TSEN2: variants seen among roughly 807,000 people sequenced by gnomAD.
TSEN2 encodes tRNA-splicing endonuclease subunit Sen2.
In TSEN2, 54 loss-of-function variants were observed where a neutral mutation model predicts 59.2. The ratio of observed to expected loss-of-function variants is 0.91; its 90% confidence interval spans 0.73 to 1.14. TSEN2 has a LOEUF of 1.14. Ranked by LOEUF, TSEN2 falls within the 50% of genes most tolerant of loss-of-function variation. The pLI is 0.00. For missense variants in TSEN2, 636 were observed against 576.2 expected (o/e 1.10, Z -1.06); for synonymous variants, 195 against 198.2 (o/e 0.98, Z 0.14).
downstream of TSEN2, among the ~76,000 whole-genome samples, chr3:12,537,105 A>G (rs927185303): frequency 1.3e-5 from 2 of 151,952 alleles, no homozygotes; most frequent in Non-Finnish European, 2.9e-5. Flanking sequence ...CACCCCCTAA[A>G]ATAAGAAATG....
intron 1 of TSEN2, among the ~76,000 whole-genome samples, chr3:12,487,018 G>A (rs1212609629): frequency 6.6e-6 from 1 of 152,132 alleles, no homozygotes; most frequent in Non-Finnish European, 1.5e-5. Context: ...ATTTTTCCAT[G>A]AACATATGTT....
Position 12,533,643 on chromosome 3 carries a change from G to C in TSEN2, c.*922G>C, listed in dbSNP as rs1167080735. The C allele has an allele frequency of 8.9e-6, 1 of 112,450 alleles. No homozygotes were observed. Among genetic ancestry groups the C allele is most frequent in the Non-Finnish European group, 1.6e-5 (1 of 60,704 alleles). 7.0% of individuals were successfully genotyped at this position (112,450 alleles called of 1,614,324 possible). On this transcript the variant is annotated 3_prime_UTR_variant, in exon 12 of 12. Coordinates refer to ENST00000284995, the MANE Select transcript of TSEN2 (RefSeq NM_025265.4). ...CCACTGCAATCCAGCCTGAGCAATA[G>C]AGCAAGGTCCTGTCTCAAAAAAAAA...
chr3:12,496,691 T>C, intron 4 of TSEN2, 137 bp downstream of exon 4: 1 of 841,554 alleles, frequency 1.2e-6, no homozygotes, highest in Non-Finnish European at 2.0e-6. Context: ...TCCTTGAAAA[T>C]TATGTTGGAA....
intron 2 of TSEN2, 39 bp from the exon 3 acceptor site, chr3:12,492,097 C>A: frequency 6.4e-7 from 1 of 1,566,692 alleles, no homozygotes. Context: ...AAACTGGTAA[C>A]TAAGCATGAA....
In TSEN2 at chr3:12,506,821, G is replaced by A. The variant is rs1315191785; in HGVS notation, c.909+1590G>A. 6.1e-6 allele frequency: 6 copies of A among 985,250 alleles called. No homozygotes were observed. In the African/African-American group the frequency reaches 1.0e-4, roughly 17 times the overall value. 61.0% of individuals were successfully genotyped at this position (985,250 alleles called of 1,614,324 possible). On this transcript the variant is annotated intron_variant, in intron 6 of 11. Coordinates refer to ENST00000284995, the MANE Select transcript of TSEN2 (RefSeq NM_025265.4). ...GATAGTTCCTGCAGTGTCCAGTGTG[G>A]TTCTTGGCATACAGGTAGGTCCCAA...
chr3:12,486,148 T>C (rs1048140125), intron 1 of TSEN2, among the ~76,000 whole-genome samples: 4 of 152,186 alleles, frequency 2.6e-5, no homozygotes, highest in Non-Finnish European at 5.9e-5. Flanking sequence ...GGGATGACTA[T>C]AGTACCCACA....
intron 10 of TSEN2, chr3:12,538,918 A>G (rs996338332): frequency 3.0e-4 from 89 of 294,388 alleles, no homozygotes; most frequent in Non-Finnish European, 5.4e-4. Context: ...GCTTTGTAGC[A>G]GCAAACCCAA....
chr3:12,489,053 G>A (rs144574594), intron 1 of TSEN2, among the ~76,000 whole-genome samples: 3 of 152,290 alleles, frequency 2.0e-5, no homozygotes, highest in Middle Eastern at 3.4e-3. Context: ...AGATAGAGTC[G>A]TTCTTATCTT....
intron 8 of TSEN2, among the ~76,000 whole-genome samples, chr3:12,523,117 A>G (rs1389364107): frequency 2.0e-5 from 3 of 152,084 alleles, no homozygotes; most frequent in African/African-American, 7.2e-5. Context: ...TATCCTCCCT[A>G]TCTTCCTACC....
chr3:12,524,252 C>G (rs1036370101), intron 8 of TSEN2, among the ~76,000 whole-genome samples: 1 of 152,188 alleles, frequency 6.6e-6, no homozygotes. Context: ...TTTCTTGTTA[C>G]AATCACATTT....
intron 1 of TSEN2, among the ~76,000 whole-genome samples, chr3:12,488,053 C>G (rs988576114): frequency 2.6e-5 from 4 of 152,050 alleles, no homozygotes; most frequent in African/African-American, 9.7e-5. Flanking sequence ...TTTCTGTGTC[C>G]TCATATAATT....
rs765225367 is a variant in TSEN2 at position 12,531,660 on chromosome 3, G to A, written c.1338+1G>A. The A allele has an allele frequency of 1.3e-6, 2 of 1,592,844 alleles. No individual in the cohort carries two copies. The highest frequency in any genetic ancestry group is 1.7e-6 in the Non-Finnish European group (2 of 1,160,622). ...ATGTATGAAAAGGATTAAAGTTCAG[G>A]TGGGTAAACTCAGAGAAATTCATGT... is the stretch of plus-strand genomic sequence containing the variant. On this transcript the variant is annotated splice_donor_variant, in intron 11 of 11. Transcript: ENST00000284995. LOFTEE classifies it high-confidence loss of function.
At chr3:12,510,530 A>G (rs549737056) in intron 6 of TSEN2, among the ~76,000 whole-genome samples, 226 of 152,278 alleles carry the variant, frequency 1.5e-3, no homozygotes, top group Middle Eastern at 3.4e-3. Flanking sequence ...AAACAAAGGG[A>G]CACACCAGGG....
chr3:12,524,774 G>C (rs1476001751), intron 8 of TSEN2, among the ~76,000 whole-genome samples: 1 of 131,748 alleles, frequency 7.6e-6, no homozygotes, highest in African/African-American at 3.0e-5. Flanking sequence ...ACAGAGTGTC[G>C]CTCTGTTGCT....
chr3:12,508,042 A>G (rs1165373963), intron 6 of TSEN2, among the ~76,000 whole-genome samples: 1 of 152,134 alleles, frequency 6.6e-6, no homozygotes, highest in Non-Finnish European at 1.5e-5. Flanking sequence ...CTGGGCCAGC[A>G]GGGCACTGCA....
rs2057547873 is a variant in TSEN2 at position 12,532,798 on chromosome 3, C to T, written c.*77C>T. On this transcript the variant is annotated 3_prime_UTR_variant, in exon 12 of 12. Coordinates refer to ENST00000284995, the MANE Select transcript of TSEN2 (RefSeq NM_025265.4). ...GGTAAAAAGTTCTTTTTGTTGTAATCGTCCATTAATTCATAAGTTTTAAAG... is the reference window on the plus strand; with the variant it reads ...GGTAAAAAGTTCTTTTTGTTGTAATTGTCCATTAATTCATAAGTTTTAAAG... The T allele has an allele frequency of 2.1e-6, 3 of 1,403,562 alleles. No individual in the cohort carries two copies. Among genetic ancestry groups the T allele is most frequent in the Non-Finnish European group, 3.0e-6 (3 of 992,794 alleles). The allele number at this position is 1,403,562 out of a possible 1,614,324, so 86.9% of individuals were successfully genotyped here.
intron 6 of TSEN2, among the ~76,000 whole-genome samples, chr3:12,510,232 G>A (rs116137955): frequency 1.4e-3 from 220 of 152,266 alleles, no homozygotes; most frequent in East Asian, 4.2e-3. Context: ...CATCCTGTGC[G>A]CAGTGCGAAG....
intron 4 of TSEN2, among the ~76,000 whole-genome samples, chr3:12,502,690 T>TTTTTTTTTTTTTTTTTTTTTTTG (rs2054410305): frequency 1.8e-5 from 2 of 108,508 alleles, no homozygotes; most frequent in African/African-American, 4.9e-5. Context: ...TTTTTTTTTG[T>TTTTTTTTTTTTTTTTTTTTTTTG]TTTTTTTTTT....
Position 12,532,804 on chromosome 3 carries a change from T to G in TSEN2, c.*83T>G. The stretch of plus-strand genomic sequence containing the variant: ...AAGTTCTTTTTGTTGTAATCGTCCA[T>G]TAATTCATAAGTTTTAAAGGGCATG... On this transcript the variant is annotated 3_prime_UTR_variant, in exon 12 of 12. Coordinates refer to ENST00000284995, the MANE Select transcript of TSEN2 (RefSeq NM_025265.4). 7.3e-7 allele frequency: 1 copy of G among 1,368,732 alleles called. No individual in the cohort carries two copies. 84.8% of individuals were successfully genotyped at this position (1,368,732 alleles called of 1,614,324 possible).
Sources: gnomAD v4.1 joint callset for allele counts (sites outside exome capture counted in the v4.1 genomes callset) on GRCh38, gnomAD v4.1.1 for gene constraint, MANE v1.5 for transcripts, NCBI Gene and HGNC (gene_info 2026-07-23, HGNC 2026-07-21) for gene names.